Variants in MCC observed in about 807,000 individuals in gnomAD.
MCC encodes MCC regulator of Wnt signaling pathway, also known as colorectal mutant cancer protein.
Under a neutral mutation model 116.2 loss-of-function variants are expected in MCC, and 90 were observed. The ratio of observed to expected loss-of-function variants is 0.77; its 90% CI spans 0.65 to 0.92. MCC has a LOEUF of 0.92. MCC is among the 40% of genes least tolerant of loss of function. MCC has a pLI of 0.00. For missense variants in MCC, 1,516 were observed against 1,312.2 expected (o/e 1.16, Z -2.40); for synonymous variants, 578 against 510.5 (o/e 1.13, Z -1.78).
intron 5 of MCC, among the ~76,000 whole-genome samples, chr5:113,131,978 A>G (rs1189704927): frequency 6.6e-6 from 1 of 152,206 alleles, no homozygotes; most frequent in Non-Finnish European, 1.5e-5. Flanking sequence ...CGCAATAGCA[A>G]TGATACTAAC....
At chr5:113,472,077 TAGG>T (rs1341619990) in intron 1 of MCC, among the ~76,000 whole-genome samples, 1 of 152,162 alleles carries the variant, frequency 6.6e-6, no homozygotes, top group Non-Finnish European at 1.5e-5. Context: ...TTTCTTTGAC[TAGG>T]AGAGGGAGTT....
chr5:113,036,631 A>G (rs1171058788), intron 17 of MCC, among the ~76,000 whole-genome samples: 1 of 152,170 alleles, frequency 6.6e-6, no homozygotes, highest in Non-Finnish European at 1.5e-5. Flanking sequence ...AGACTTTGCT[A>G]TGAACATGTT....
Position 113,488,394 on chromosome 5 carries a change from T to TGCC in MCC, c.18_20dup (p.Ala10dup). On this transcript the variant is annotated inframe_insertion, in exon 1 of 19. Coordinates refer to ENST00000408903, the MANE Select transcript of MCC (RefSeq NM_001085377.2). ...CGCTGCTGGAGCTCCCCGCAGCCGCTGCCGCCGCGGCCGCCATCATGCGCC... is the reference window on the plus strand; with the variant it reads ...CGCTGCTGGAGCTCCCCGCAGCCGCTGCCGCCGCCGCGGCCGCCATCATGCGCC... 1 of 1,402,654 alleles carries TGCC rather than the reference T, an allele frequency of 7.1e-7. No individual in the cohort carries two copies. The highest frequency in any genetic ancestry group is 1.5e-5 in the African/African-American group (1 of 66,070). The allele number at this position is 1,402,654 out of a possible 1,614,324, so 86.9% of individuals were successfully genotyped here. A position where few individuals can be genotyped will look rare whatever the true frequency, so the allele number is the denominator to read the frequency against.
Position 113,075,356 on chromosome 5 carries a change from G to A in MCC, c.1785-4122C>T, listed in dbSNP as rs6894472. Among the ~76,000 whole-genome samples, 1,337 of 152,232 alleles carry A rather than the reference G, an allele frequency of 8.8e-3. 22 individuals carry two copies. Among genetic ancestry groups the A allele is most frequent in the African/African-American group, 0.03 (1,262 of 41,542 alleles). ...GTTCCCGTGCATCCCAAGCCTCCCC[G>A]ATGGGTGCCGCCCCCTGCTCTGAGG... On this transcript the variant is annotated intron_variant, in intron 11 of 18. Transcript: ENST00000408903.
At chr5:113,044,487 C>A (rs1248090417) in intron 16 of MCC, 1 of 983,954 alleles carries the variant, frequency 1.0e-6, no homozygotes, top group Non-Finnish European at 1.2e-6. Context: ...ATCGGATGAT[C>A]TCTCAACGGA....
chr5:113,214,801 C>G (rs1763251271), intron 3 of MCC, among the ~76,000 whole-genome samples: 1 of 152,208 alleles, frequency 6.6e-6, no homozygotes, highest in Non-Finnish European at 1.5e-5. Flanking sequence ...GTGGCCTGCC[C>G]ATTCTCCATG....
intron 3 of MCC, among the ~76,000 whole-genome samples, chr5:113,299,586 G>C (rs146078655): frequency 1.2e-4 from 19 of 152,240 alleles, no homozygotes; most frequent in African/African-American, 4.3e-4. Flanking sequence ...ACACACCAAA[G>C]AATAAAGCCC....
chr5:113,319,394 G>T (rs1767364366), intron 3 of MCC, among the ~76,000 whole-genome samples: 1 of 152,164 alleles, frequency 6.6e-6, no homozygotes, highest in Non-Finnish European at 1.5e-5. Flanking sequence ...GACTGGAAGA[G>T]AACTATAAAG....
chr5:113,291,857 A>G (rs1458402773), intron 3 of MCC, among the ~76,000 whole-genome samples: 1 of 152,234 alleles, frequency 6.6e-6, no homozygotes, highest in Non-Finnish European at 1.5e-5. Context: ...CTCTGTGGAT[A>G]TTAGAAAAAT....
intron 7 of MCC, among the ~76,000 whole-genome samples, chr5:113,102,879 G>A (rs991766140): frequency 6.6e-6 from 1 of 152,138 alleles, no homozygotes; most frequent in Non-Finnish European, 1.5e-5. Context: ...CACTTGGGAG[G>A]CCCAGGCGGG....
At chr5:113,250,357 C>A (rs2150343401) in intron 3 of MCC, among the ~76,000 whole-genome samples, 1 of 152,280 alleles carries the variant, frequency 6.6e-6, no homozygotes. Flanking sequence ...TTAGTCCAAC[C>A]TCCTCAGTTT....
intron 1 of MCC, among the ~76,000 whole-genome samples, chr5:113,385,999 A>T (rs543258791): frequency 6.6e-6 from 1 of 152,310 alleles, no homozygotes; most frequent in African/African-American, 2.4e-5. Context: ...GAATAACAAG[A>T]ACAATAACCC....
chr5:113,098,368 T>G (rs72803242), intron 8 of MCC, among the ~76,000 whole-genome samples: 22,228 of 152,216 alleles, frequency 0.15, 1,856 homozygotes, highest in South Asian at 0.22. Context: ...TCCAACATCC[T>G]TGAAGCCAGG....
intron 3 of MCC, among the ~76,000 whole-genome samples, chr5:113,258,493 C>T (rs1581329325): frequency 6.6e-6 from 1 of 152,360 alleles, no homozygotes; most frequent in Middle Eastern, 3.4e-3. Flanking sequence ...ATTAGATTCT[C>T]ATAGGAGGGG....
intron 3 of MCC, among the ~76,000 whole-genome samples, chr5:113,173,432 A>G (rs1054895218): frequency 5.9e-5 from 9 of 152,180 alleles, no homozygotes; most frequent in African/African-American, 1.9e-4. Context: ...TTAATGTTGC[A>G]TAGTGTAATA....
chr5:113,201,729 T>C (rs757528201), intron 3 of MCC, among the ~76,000 whole-genome samples: 4 of 152,158 alleles, frequency 2.6e-5, no homozygotes, highest in Non-Finnish European at 5.9e-5. Context: ...TGCAGGAAGG[T>C]TGGTTTAGTA....
chr5:113,218,867 T>C (rs1763430860), intron 3 of MCC, among the ~76,000 whole-genome samples: 1 of 151,498 alleles, frequency 6.6e-6, no homozygotes, highest in Non-Finnish European at 1.5e-5. Flanking sequence ...TTCTTCCGAA[T>C]AGAAGGGGAC....
intron 16 of MCC, chr5:113,044,476 C>T (rs752828765): frequency 3.0e-6 from 3 of 983,882 alleles, no homozygotes; most frequent in Non-Finnish European, 3.6e-6. Context: ...GGAAGGCATT[C>T]ATCGGATGAT....
At chr5:113,050,166 C>T (rs771958566) in intron 15 of MCC, among the ~76,000 whole-genome samples, 119 of 152,170 alleles carry the variant, frequency 7.8e-4, no homozygotes, top group Non-Finnish European at 1.3e-3. Context: ...AGAAGGAAAT[C>T]CCCCTGCTTA....
Sources: allele counts gnomAD v4.1 joint callset (sites outside exome capture counted in the v4.1 genomes callset), GRCh38; gene constraint gnomAD v4.1.1; transcripts MANE v1.5; gene names NCBI Gene and HGNC (gene_info 2026-07-23, HGNC 2026-07-21).